Variants in XIST observed in about 807,000 individuals in gnomAD.
XIST encodes the protein X inactive specific transcript (non-protein coding).
At chrX:73,821,343 C>A in exon 6 of XIST, 1 of 553,614 alleles carries the variant, frequency 1.8e-6, no homozygotes, top group Non-Finnish European at 3.3e-6. Context: ...GTATGAACTA[C>A]AATGAACAAT....
intron 1 of XIST, among the ~76,000 whole-genome samples, chrX:73,839,511 C>T (rs1315398268): frequency 9.0e-6 from 1 of 111,125 alleles, no homozygotes; most frequent in Admixed American, 9.6e-5. Flanking sequence ...GTGATCTGAA[C>T]CAAACTCAGA....
chrX:73,830,113 A>C (rs969951905), intron 4 of XIST, among the ~76,000 whole-genome samples: 3 of 110,161 alleles, frequency 2.7e-5, no homozygotes, highest in African/African-American at 1.0e-4. Context: ...GTTGTTTAAC[A>C]TTGCAGCTAA....
chrX:73,842,540 G>A (rs752885802), exon 1 of XIST: 3 of 556,780 alleles, frequency 5.4e-6, no homozygotes, highest in East Asian at 6.5e-5. Flanking sequence ...GTTCAGGCCT[G>A]CTTTTCATAG....
At chrX:73,827,450 A>G in exon 6 of XIST, 2 of 542,296 alleles carry the variant, frequency 3.7e-6, no homozygotes, top group South Asian at 4.7e-5. Context: ...AGAGATTAAT[A>G]CTGAAATAGA....
At position 73,852,390 on chromosome X, in the gene XIST, TAGAAA is replaced by T. The variant is rs751674118; in HGVS notation, n.329_333del. ...ATCCGCAGCCCCGATGGGCAAAATA[TAGAAA>T]AGAGAGTGGAAGAGTAAAAAACTGA... On this transcript the variant is annotated non_coding_transcript_exon_variant, in exon 1 of 6. Coordinates refer to ENST00000429829, the Ensembl canonical transcript of XIST. 7.3e-6 allele frequency: 4 copies of T among 546,940 alleles called. No homozygotes were observed. The East Asian group carries it at 1.3e-4, about 18-fold the overall frequency. The allele number at this position is 546,940 out of a possible 1,213,427, so 45.1% of individuals were successfully genotyped here. A position where few individuals can be genotyped will look rare whatever the true frequency, so the allele number is the denominator to read the frequency against.
In XIST at chrX:73,849,608, G is replaced by A. The variant is rs185167540; in HGVS notation, n.3116C>T. ...TCAATTGACATTCCCTAACTTCAAC[G>A]TACCGAGTAAGGAAATTCTTTGTCC... On this transcript the variant is annotated non_coding_transcript_exon_variant, in exon 1 of 6. Coordinates refer to ENST00000429829, the Ensembl canonical transcript of XIST. 3.2e-5 allele frequency: 18 copies of A among 556,008 alleles called. 1 individual carries two copies. Among genetic ancestry groups the A allele is most frequent in the Middle Eastern group, 3.1e-4 (1 of 3,243 alleles). The allele number at this position is 556,008 out of a possible 1,213,427, so 45.8% of individuals were successfully genotyped here. A position where few individuals can be genotyped will look rare whatever the true frequency, so the allele number is the denominator to read the frequency against.
chrX:73,842,836 C>T (rs1343822180), exon 1 of XIST: 1 of 558,267 alleles, frequency 1.8e-6, no homozygotes, highest in Non-Finnish European at 3.2e-6. Context: ...AGGGAGACAG[C>T]ACAATCTTAC....
chrX:73,846,854 A>C, exon 1 of XIST: 1 of 559,223 alleles, frequency 1.8e-6, no homozygotes, highest in Non-Finnish European at 3.2e-6. Context: ...CCTTAAGTGA[A>C]TAGTACCCCA....
chrX:73,842,986 C>T (rs762005563), exon 1 of XIST: 45 of 556,413 alleles, frequency 8.1e-5, no homozygotes, highest in Admixed American at 1.3e-4. Context: ...TACACACTGG[C>T]GCAATGCAAA....
At chrX:73,844,229 T>C in exon 1 of XIST, 1 of 558,448 alleles carries the variant, frequency 1.8e-6, no homozygotes, top group Non-Finnish European at 3.2e-6. Context: ...GGTGAGAAGG[T>C]AGAACTTTGT....
At position 73,824,711 on chromosome X, in the gene XIST, G is replaced by C. The variant is rs769442998; in HGVS notation, n.15190C>G. 7.2e-6 allele frequency: 4 copies of C among 558,448 alleles called. No individual in the cohort carries two copies. The South Asian group carries it at 8.9e-5, about 12-fold the overall frequency. 46.0% of individuals were successfully genotyped at this position (558,448 alleles called of 1,213,427 possible). On this transcript the variant is annotated non_coding_transcript_exon_variant, in exon 6 of 6. Coordinates refer to ENST00000429829, the Ensembl canonical transcript of XIST. ...AATTTAGAAAGCACATTCGCAAGCTGAATTAAGTGACTTTCGGTCTGGATC... is the reference window on the plus strand; with the variant it reads ...AATTTAGAAAGCACATTCGCAAGCTCAATTAAGTGACTTTCGGTCTGGATC...
At chrX:73,839,710 G>A (rs906395412) in intron 1 of XIST, among the ~76,000 whole-genome samples, 2 of 110,451 alleles carry the variant, frequency 1.8e-5, no homozygotes, top group Admixed American at 9.8e-5. Flanking sequence ...CACATTTCCA[G>A]AGCATCCCTT....
intron 5 of XIST, chrX:73,828,089 GA>G (rs1359312141): frequency 4.7e-6 from 2 of 427,797 alleles, no homozygotes; most frequent in African/African-American, 5.3e-5. Context: ...ATCACAGAAA[GA>G]TAAAAAAAAT....
chrX:73,845,143 T>C (rs1922713360), exon 1 of XIST: 1 of 554,632 alleles, frequency 1.8e-6, no homozygotes, highest in Non-Finnish European at 3.2e-6. Flanking sequence ...TGTGGTCACA[T>C]ACAATTGTGC....
chrX:73,850,916 G>A (rs745909354), exon 1 of XIST: 1 of 556,603 alleles, frequency 1.8e-6, no homozygotes, highest in East Asian at 3.3e-5. Flanking sequence ...AAGGCTAAAT[G>A]TCCTTGAAAA....
At chrX:73,850,396 T>C (rs1389617598) in exon 1 of XIST, 1 of 535,001 alleles carries the variant, frequency 1.9e-6, no homozygotes, top group Non-Finnish European at 3.3e-6. Flanking sequence ...AGCCTCTTAA[T>C]ACATTTCTAT....
chrX:73,837,193 C>T (rs73486566), intron 2 of XIST, among the ~76,000 whole-genome samples: 4,867 of 111,091 alleles, frequency 0.044, 265 homozygotes, highest in African/African-American at 0.15. Flanking sequence ...ACAAATAGTA[C>T]CTCAGACAGG....
intron 2 of XIST, chrX:73,837,364 C>G (rs1922503322): frequency 2.4e-6 from 1 of 424,624 alleles, no homozygotes; most frequent in Non-Finnish European, 4.1e-6. Context: ...GAGAGACATT[C>G]TATAGAATAC....
chrX:73,825,711 C>T lies in XIST; in HGVS notation n.14190G>A, dbSNP rs1922234669. On this transcript the variant is annotated non_coding_transcript_exon_variant, in exon 6 of 6. Transcript: ENST00000429829. ...GTCTAAAGTATTTATGATTTGACCC[C>T]TTACAGAAAAACTGTGGACCCCTGA... 5.8e-6 allele frequency: 3 copies of T among 514,955 alleles called. No individual in the cohort carries two copies. In the East Asian group the frequency reaches 1.1e-4, roughly 19 times the overall value. 42.4% of individuals were successfully genotyped at this position (514,955 alleles called of 1,213,427 possible).
Sources: allele counts gnomAD v4.1 joint callset (sites outside exome capture counted in the v4.1 genomes callset), GRCh38; gene constraint gnomAD v4.1.1; transcripts MANE v1.5; gene names NCBI Gene and HGNC (gene_info 2026-07-23, HGNC 2026-07-21).